Variants in LRRTM4 observed in about 807,000 individuals in gnomAD.
The protein encoded by LRRTM4 is leucine rich repeat transmembrane neuronal 4, also known as leucine-rich repeat transmembrane neuronal protein 4.
In LRRTM4, 25 loss-of-function variants were observed where a neutral mutation model predicts 47.6. That is an observed-to-expected ratio of 0.53 (90% CI 0.38 to 0.73). LRRTM4 has a LOEUF of 0.73. Among genes scored for constraint, LRRTM4 ranks in the 30% least tolerant of loss-of-function variants. The pLI, the probability that LRRTM4 is intolerant of heterozygous loss-of-function variation, is 0.00. For synonymous variants in LRRTM4, 311 were observed against 269.5 expected, an observed-to-expected ratio of 1.15 and a Z score of -1.51; for missense variants, 638 against 713.4, an observed-to-expected ratio of 0.89 and a Z score of 1.20.
chr2:76,964,987 CA>C (rs1231259862), intron 3 of LRRTM4, among the ~76,000 whole-genome samples: 1 of 97,712 alleles, frequency 1.0e-5, no homozygotes, highest in African/African-American at 7.3e-5. Context: ...GCCCAAAATT[CA>C]AAGAAAAATA....
chr2:77,458,454 T>G (rs951879714), intron 3 of LRRTM4, among the ~76,000 whole-genome samples: 3 of 152,118 alleles, frequency 2.0e-5, no homozygotes, highest in African/African-American at 7.2e-5. Flanking sequence ...CTTGTTTTAT[T>G]TAAAAAGCCA....
In LRRTM4 at chr2:76,784,883, T is replaced by C. The variant is rs73940055; in HGVS notation, c.1552-35967A>G. 1.6e-3 allele frequency among the ~76,000 whole-genome samples: 249 copies of C among 152,242 alleles called. 1 individual carries two copies. Among genetic ancestry groups the C allele is most frequent in the African/African-American group, 5.1e-3 (212 of 41,570 alleles). On this transcript the variant is annotated intron_variant, in intron 3 of 3. Transcript: ENST00000409884. ...CAGCATGTAGTGAATGCTTTGATCA[T>C]AGAAGCAGTTATTTTACACAAAATT...
At chr2:77,133,099 T>C (rs1295043622) in intron 3 of LRRTM4, among the ~76,000 whole-genome samples, 1 of 152,176 alleles carries the variant, frequency 6.6e-6, no homozygotes, top group Non-Finnish European at 1.5e-5. Context: ...AAAATTTACT[T>C]CAAGTTTTTG....
intron 3 of LRRTM4, among the ~76,000 whole-genome samples, chr2:77,512,152 C>T (rs1322069415): frequency 5.9e-5 from 9 of 152,026 alleles, no homozygotes; most frequent in Admixed American, 3.3e-4. Context: ...TCCATGGTTA[C>T]GTTTGTTTAG....
intron 3 of LRRTM4, among the ~76,000 whole-genome samples, chr2:77,493,115 C>T (rs1002675580): frequency 7.9e-5 from 12 of 151,990 alleles, no homozygotes; most frequent in Non-Finnish European, 1.3e-4. Context: ...TGATCCGAAA[C>T]ATACTCGCCA....
chr2:77,081,881 T>C (rs922728896), intron 3 of LRRTM4, among the ~76,000 whole-genome samples: 1 of 152,122 alleles, frequency 6.6e-6, no homozygotes, highest in African/African-American at 2.4e-5. Flanking sequence ...CAAAATCTAT[T>C]AGAGAATCTA....
chr2:76,797,827 T>C (rs1015066691), intron 3 of LRRTM4, among the ~76,000 whole-genome samples: 4 of 151,242 alleles, frequency 2.6e-5, no homozygotes, highest in Non-Finnish European at 5.9e-5. Flanking sequence ...TAGTCTCTGA[T>C]AAAACAGACT....
intron 3 of LRRTM4, among the ~76,000 whole-genome samples, chr2:77,335,244 T>G (rs151304092): frequency 6.6e-6 from 1 of 152,352 alleles, no homozygotes; most frequent in African/African-American, 2.4e-5. Context: ...ACTTCCCACT[T>G]AAGCATAAAA....
chr2:77,451,017 T>C (rs1358823493), intron 3 of LRRTM4, among the ~76,000 whole-genome samples: 5 of 152,180 alleles, frequency 3.3e-5, no homozygotes. Flanking sequence ...TGTAAACTTT[T>C]GCAATAACCA....
intron 3 of LRRTM4, among the ~76,000 whole-genome samples, chr2:77,303,147 A>C (rs759409526): frequency 2.6e-5 from 4 of 151,666 alleles, no homozygotes; most frequent in Admixed American, 6.6e-5. Context: ...TCAAATACAA[A>C]ACTGAAATTT....
chr2:76,840,708 G>C (rs556788723), intron 3 of LRRTM4, among the ~76,000 whole-genome samples: 22 of 152,184 alleles, frequency 1.4e-4, no homozygotes, highest in Non-Finnish European at 2.9e-4. Context: ...AAAAGAGAGA[G>C]AGAAAGAGAA....
intron 3 of LRRTM4, among the ~76,000 whole-genome samples, chr2:77,221,572 C>G (rs1674633114): frequency 6.6e-6 from 1 of 152,042 alleles, no homozygotes; most frequent in African/African-American, 2.4e-5. Flanking sequence ...TCTGATAAAA[C>G]AGACTTTAAA....
intron 3 of LRRTM4, among the ~76,000 whole-genome samples, chr2:77,311,708 A>G (rs1004115645): frequency 3.3e-5 from 5 of 152,210 alleles, no homozygotes; most frequent in Non-Finnish European, 5.9e-5. Context: ...AGCCACTAGA[A>G]GAAGTGAGCA....
chr2:77,056,080 AC>A (rs1234176304), intron 3 of LRRTM4, among the ~76,000 whole-genome samples: 2 of 149,598 alleles, frequency 1.3e-5, no homozygotes, highest in East Asian at 4.0e-4. Context: ...TAGGAGATAT[AC>A]CTAATGCTAA....
chr2:77,517,593 C>T (rs186604248), intron 3 of LRRTM4: 4 of 982,584 alleles, frequency 4.1e-6, no homozygotes, highest in East Asian at 1.2e-4. Context: ...CCTTTGAAAT[C>T]GGATCTATAT....
At chr2:77,081,769 A>T (rs1680542057) in intron 3 of LRRTM4, among the ~76,000 whole-genome samples, 3 of 152,192 alleles carry the variant, frequency 2.0e-5, no homozygotes, top group African/African-American at 4.8e-5. Context: ...CACACTGAAA[A>T]ACTGTTTAAC....
intron 3 of LRRTM4, among the ~76,000 whole-genome samples, chr2:77,298,763 T>C (rs890606719): frequency 2.0e-5 from 3 of 152,162 alleles, no homozygotes; most frequent in African/African-American, 7.2e-5. Context: ...CTTCCATTCA[T>C]CAGAAAATAT....
At chr2:77,486,531 G>A (rs1677917265) in intron 3 of LRRTM4, among the ~76,000 whole-genome samples, 1 of 151,902 alleles carries the variant, frequency 6.6e-6, no homozygotes, top group Non-Finnish European at 1.5e-5. Context: ...CCAGTATAAT[G>A]GCATATTTCT....
intron 3 of LRRTM4, among the ~76,000 whole-genome samples, chr2:76,968,612 G>A (rs185062124): frequency 6.3e-4 from 96 of 151,464 alleles, no homozygotes; most frequent in African/African-American, 2.2e-3. Flanking sequence ...TAACTATTCT[G>A]TTTGGGGTTA....
Sources: gnomAD v4.1 joint callset for allele counts (sites outside exome capture counted in the v4.1 genomes callset) on GRCh38, gnomAD v4.1.1 for gene constraint, MANE v1.5 for transcripts, NCBI Gene and HGNC (gene_info 2026-07-23, HGNC 2026-07-21) for gene names.